Variants in SPEG observed in about 807,000 individuals in gnomAD.
The protein encoded by SPEG is striated muscle preferentially expressed protein kinase.
SPEG carries 114 observed loss-of-function variants against 300.4 expected under a neutral mutation model. The ratio of observed to expected loss-of-function variants is 0.38; its 90% confidence interval spans 0.33 to 0.44. The LOEUF is 0.44. Ranked by LOEUF, SPEG falls within the 20% of genes least tolerant of loss-of-function variation. The probability of loss-of-function intolerance (pLI) is 1.00; values close to 1 mark genes in which losing one functional copy is unlikely to be tolerated. For missense variants in SPEG, 4,201 were observed against 4,586.2 expected (o/e 0.92, Z 2.43); for synonymous variants, 1,964 against 2,018.9 (o/e 0.97, Z 0.73).
At chr2:219,460,290 T>C in intron 6 of SPEG, 8 of 985,284 alleles carry the variant, frequency 8.1e-6, no homozygotes, top group Non-Finnish European at 9.6e-6. Flanking sequence ...ATCTTGACAG[T>C]TCTCCGATTT....
intron 18 of SPEG, 123 bp from the exon 19 acceptor site, chr2:219,476,747 G>A: frequency 1.4e-6 from 1 of 696,854 alleles, no homozygotes; most frequent in Non-Finnish European, 2.4e-6. Context: ...CTTGCAGGGA[G>A]GCGGGGGTCT....
rs1451051547 is a variant in SPEG at position 219,492,691 on chromosome 2, C to T, written c.9709C>T (p.Arg3237Trp). ...RRQTLTFTTN[R>W]LKEFLGEQRR... is the part of the protein sequence containing the mutation. The stretch of plus-strand genomic sequence containing the variant: ...CCAGACGCTCACCTTCACCACCAAC[C>T]GGCTCAAGGAGTTCCTGGGCGAGCA... The change falls in exon 41 of 41, where the codon CGG (arginine) becomes TGG (tryptophan). Residue 3237 changes from arginine to tryptophan, a missense_variant. Arg to Trp is a moderately radical substitution (Grantham distance 101). Coordinates refer to ENST00000312358, the MANE Select transcript of SPEG (RefSeq NM_005876.5). The T allele has an allele frequency of 8.7e-6, 14 of 1,609,598 alleles. No individual in the cohort carries two copies. Among genetic ancestry groups the T allele is most frequent in the South Asian group, 1.1e-5 (1 of 91,080 alleles).
At chr2:219,436,387 G>A (rs891056562) in intron 1 of SPEG, among the ~76,000 whole-genome samples, 7 of 152,238 alleles carry the variant, frequency 4.6e-5, no homozygotes, top group African/African-American at 1.7e-4. Context: ...CAAAGGCAGA[G>A]CCTTGGGCAG....
chr2:219,451,259 C>T lies in SPEG; in HGVS notation c.2237C>T (p.Thr746Ile). ...GATGTGCTGCTCAAGTGTATCATCA[C>T]TGCCAACCCCCCGCCCCAAGGTGAG... ...GADVLLKCII[T>I]ANPPPQVSWH... Residue 746 changes from threonine to isoleucine, a missense_variant, in exon 5 of 41, where the codon ACT (threonine) becomes ATT (isoleucine). This residue lies in a region of SPEG where 1,258 missense variants were observed against 1,293.9 expected (regional missense o/e 0.97). Transcript: ENST00000312358. This position sits in a 1 kb window ranked among gnomAD's most constrained non-coding sequence, Gnocchi z 6.4. 2 of 1,611,820 alleles carry T rather than the reference C, an allele frequency of 1.2e-6. No individual in the cohort carries two copies. The highest frequency in any genetic ancestry group is 1.7e-6 in the Non-Finnish European group (2 of 1,179,114).
At chr2:219,474,924 A>G (rs1448579016) in intron 18 of SPEG, among the ~76,000 whole-genome samples, 1 of 151,390 alleles carries the variant, frequency 6.6e-6, no homozygotes, top group African/African-American at 2.4e-5. Flanking sequence ...CTGGGACTAC[A>G]GGCTTGCACA....
chr2:219,485,258 C>T, intron 30 of SPEG, 88 bp from the exon 31 acceptor site: 2 of 1,533,482 alleles, frequency 1.3e-6, no homozygotes, highest in South Asian at 1.2e-5. Flanking sequence ...CTAGGGGTTC[C>T]TTCTGGTTCT....
At chr2:219,456,611 T>C (rs1395037953) in intron 6 of SPEG, among the ~76,000 whole-genome samples, 1 of 152,202 alleles carries the variant, frequency 6.6e-6, no homozygotes, top group African/African-American at 2.4e-5. Context: ...CATAGTCATA[T>C]ATAAGAAATT....
In SPEG at chr2:219,481,534, C is replaced by T. The variant is rs1261293773; in HGVS notation, c.5522+78C>T. The T allele has an allele frequency of 3.1e-5, 49 of 1,605,254 alleles. No individual in the cohort carries two copies. The highest frequency in any genetic ancestry group is 4.2e-5 in the Non-Finnish European group (49 of 1,173,212). ...TGCCTGCTACTCCCAAACTCCTGCC[C>T]CTCGACATGCAAGCCCCCAACTCCT... On this transcript the variant is annotated intron_variant, in intron 27 of 40. Coordinates refer to ENST00000312358, the MANE Select transcript of SPEG (RefSeq NM_005876.5). This position sits in a 1 kb window ranked among gnomAD's most constrained non-coding sequence, Gnocchi z 5.4.
chr2:219,489,861 G>T lies in SPEG; in HGVS notation c.8843G>T (p.Ser2948Ile). ...VVSSPGSSPR[S>I]SPRPEGTTLR... ...AGCTCCCCTGGGAGCAGTCCCCGAA[G>T]CTCTCCCAGGCCTGAGGGTACCACT... Residue 2948 changes from serine (S) to isoleucine (I), a missense_variant, in exon 36 of 41, where the codon AGC becomes ATC. Physicochemically the swap from Ser to Ile is moderately radical, Grantham distance 142 (BLOSUM62 -2). Around this residue, in one of 4 missense-constraint regions of SPEG, gnomAD observed 1,578 missense variants for 1,506.0 expected, o/e 1.05. Coordinates refer to ENST00000312358, the MANE Select transcript of SPEG (RefSeq NM_005876.5). 2 of 1,611,932 alleles carry T rather than the reference G, an allele frequency of 1.2e-6. No individual in the cohort carries two copies. The highest frequency in any genetic ancestry group is 1.7e-6 in the Non-Finnish European group (2 of 1,178,738).
Position 219,488,812 on chromosome 2 carries a change from C to G in SPEG, c.8061C>G (p.Pro2687=), listed in dbSNP as rs370374797. 7.8e-5 allele frequency: 125 copies of G among 1,597,756 alleles called. No homozygotes were observed. The highest frequency in any genetic ancestry group is 1.1e-4 in the Non-Finnish European group (123 of 1,171,016). Residue 2687 remains proline, a synonymous_variant, in exon 34 of 41, where the codon CCC becomes CCG. Coordinates refer to ENST00000312358, the MANE Select transcript of SPEG (RefSeq NM_005876.5). ...VPGKLAPPEV[P]QTYQDTALVL... is the part of the protein sequence containing the mutation. ...GAAAGCTAGCTCCTCCAGAGGTACC[C>G]CAGACCTACCAGGACACGGCGCTGG...
rs570565025 is a variant in SPEG at position 219,462,483 on chromosome 2, G to A, written c.2705+97G>A. ...GGTGGAAGGAAATGGAATCTTGGTGGGCTTCCCCATGATCTGCCTCAGGGG... is the reference window on the plus strand; with the variant it reads ...GGTGGAAGGAAATGGAATCTTGGTGAGCTTCCCCATGATCTGCCTCAGGGG... On this transcript the variant is annotated intron_variant, in intron 8 of 40. Coordinates refer to ENST00000312358, the MANE Select transcript of SPEG (RefSeq NM_005876.5). 6.3e-4 allele frequency: 637 copies of A among 1,004,132 alleles called. 1 individual carries two copies. Among genetic ancestry groups the A allele is most frequent in the Non-Finnish European group, 8.5e-4 (569 of 672,798 alleles). 62.2% of individuals were successfully genotyped at this position (1,004,132 alleles called of 1,614,324 possible).
At chr2:219,461,504 T>G in intron 6 of SPEG, 1 of 1,085,832 alleles carries the variant, frequency 9.2e-7, no homozygotes, top group Non-Finnish European at 1.1e-6. Flanking sequence ...TTCCCCTGCT[T>G]TTGGAGCCTG....
rs1407269658 is a variant in SPEG at position 219,485,029 on chromosome 2, C to T, written c.7566C>T (p.Ala2522=). 1.3e-6 allele frequency: 2 copies of T among 1,532,134 alleles called. No individual in the cohort carries two copies. Among genetic ancestry groups the T allele is most frequent in the Non-Finnish European group, 1.7e-6 (2 of 1,145,744 alleles). 94.9% of individuals were successfully genotyped at this position (1,532,134 alleles called of 1,614,324 possible). The part of the protein sequence containing the change: ...AAQAGATTPS[A]ESLGSEASAT... ...AGGCCGGCGCCACCACGCCTTCCGC[C>T]GAGTCCCTGGGCTCCGAGGCCAGCG... The change falls in exon 30 of 41, where the codon GCC becomes GCT. Residue 2522 remains alanine (A), a synonymous_variant. Transcript: ENST00000312358.
At chr2:219,466,746 G>A (rs1691397151) in intron 9 of SPEG, 1 of 1,008,634 alleles carries the variant, frequency 9.9e-7, no homozygotes, top group African/African-American at 1.7e-5. Flanking sequence ...CTCTGTCTGG[G>A]AATGAGGGAG....
chr2:219,443,766 G>A lies in SPEG; in HGVS notation c.389-887G>A. The A allele has an allele frequency of 2.8e-6, 1 of 352,464 alleles. No individual in the cohort carries two copies. The highest frequency in any genetic ancestry group is 5.6e-6 in the Non-Finnish European group (1 of 177,450). 21.8% of individuals were successfully genotyped at this position (352,464 alleles called of 1,614,324 possible). A position where few individuals can be genotyped will look rare whatever the true frequency, so the allele number is the denominator to read the frequency against. On this transcript the variant is annotated intron_variant, in intron 1 of 40. Coordinates refer to ENST00000312358, the MANE Select transcript of SPEG (RefSeq NM_005876.5). The surrounding 1 kb of genome is among the most constrained non-coding windows in gnomAD (Gnocchi z 4.6). ...CAGGTGTGTGTGTGTGTGTGTGCAT[G>A]TGTGTGTGTGGCCAGTGGCAGCACC...
chr2:219,472,739 A>G (rs1351379144), intron 15 of SPEG, 151 bp from the exon 16 acceptor site: 6 of 637,322 alleles, frequency 9.4e-6, no homozygotes, highest in Non-Finnish European at 1.6e-5. Context: ...GCTGGGCAAG[A>G]GCAGATGGGG....
chr2:219,485,816 T>C (rs1693364867), intron 31 of SPEG, among the ~76,000 whole-genome samples: 1 of 152,212 alleles, frequency 6.6e-6, no homozygotes, highest in Non-Finnish European at 1.5e-5. Flanking sequence ...AGTTGGACTG[T>C]GTGACCTTCT....
intron 6 of SPEG, among the ~76,000 whole-genome samples, chr2:219,454,056 C>T (rs987391457): frequency 1.3e-5 from 2 of 152,186 alleles, no homozygotes; most frequent in Non-Finnish European, 2.9e-5. Flanking sequence ...CTCTCTTGCT[C>T]CTTCCCCTCC....
rs759967003 is a variant in SPEG at position 219,490,481 on chromosome 2, C to T, written c.8994C>T (p.Pro2998=). Residue 2998 remains proline (P), a synonymous_variant, in exon 37 of 41, where the codon CCC becomes CCT. Transcript: ENST00000312358. ...TGRTFVAKIV[P]YAAEGKRRVL... ...GAACGTTCGTGGCCAAGATCGTGCC[C>T]TATGCTGCCGAGGGCAAGCGGCGGG... 1.2e-6 allele frequency: 2 copies of T among 1,613,556 alleles called. No homozygotes were observed. The highest frequency in any genetic ancestry group is 1.7e-4 in the Middle Eastern group (1 of 6,058).
Sources: gnomAD v4.1 joint callset for allele counts (sites outside exome capture counted in the v4.1 genomes callset) on GRCh38, gnomAD v4.1.1 for gene constraint, gnomAD v4.1.1 regional missense constraint, Gnocchi (gnomAD v3.1) non-coding constraint, MANE v1.5 for transcripts, NCBI Gene and HGNC (gene_info 2026-07-23, HGNC 2026-07-21) for gene names.